MAGI1: variants seen among roughly 807,000 people sequenced by gnomAD.
MAGI1 encodes the protein membrane-associated guanylate kinase, WW and PDZ domain-containing protein 1.
Under a neutral mutation model 139.9 loss-of-function variants are expected in MAGI1, and 58 were observed. The observed-to-expected ratio is 0.41, with a 90% CI of 0.34 to 0.52. The LOEUF is 0.52. Ranked by LOEUF, MAGI1 falls within the 20% of genes least tolerant of loss-of-function variation. The probability of loss-of-function intolerance (pLI) is 0.12; values close to 1 mark genes in which losing one functional copy is unlikely to be tolerated. For synonymous variants in MAGI1, 812 were observed against 737.9 expected, an observed-to-expected ratio of 1.10 and a Z score of -1.63; for missense variants, 1,874 against 1,901.6, an observed-to-expected ratio of 0.99 and a Z score of 0.27.
At chr3:65,462,490 CTACTGA>C (rs1252339796) in intron 5 of MAGI1, among the ~76,000 whole-genome samples, 6 of 152,194 alleles carry the variant, frequency 3.9e-5, no homozygotes, top group South Asian at 4.1e-4. Flanking sequence ...ATCTGTTTTG[CTACTGA>C]TACTATGCTG....
At chr3:65,573,547 A>T (rs918389757) in intron 2 of MAGI1, among the ~76,000 whole-genome samples, 4 of 118,430 alleles carry the variant, frequency 3.4e-5, no homozygotes, top group African/African-American at 1.2e-4. Flanking sequence ...ATTTAAAAAT[A>T]AAAAAAAAAC....
chr3:65,519,515 A>C (rs1170186589), intron 2 of MAGI1, among the ~76,000 whole-genome samples: 1 of 152,052 alleles, frequency 6.6e-6, no homozygotes, highest in East Asian at 1.9e-4. Flanking sequence ...CCTCCCGGGT[A>C]GCTGGGATTA....
At chr3:65,767,641 G>A (rs1440116795) in intron 1 of MAGI1, among the ~76,000 whole-genome samples, 1 of 152,116 alleles carries the variant, frequency 6.6e-6, no homozygotes, top group Non-Finnish European at 1.5e-5. Flanking sequence ...ACGTTAGGAG[G>A]CCATTGTTAT....
chr3:65,623,987 C>A (rs1397069548), intron 1 of MAGI1, among the ~76,000 whole-genome samples: 1 of 152,026 alleles, frequency 6.6e-6, no homozygotes, highest in Non-Finnish European at 1.5e-5. Context: ...AGACAGTTCA[C>A]AATGGAATAT....
chr3:65,573,787 A>T (rs935096948), intron 2 of MAGI1, among the ~76,000 whole-genome samples: 5 of 152,166 alleles, frequency 3.3e-5, no homozygotes, highest in African/African-American at 9.6e-5. Context: ...GAAAAGGAAG[A>T]TGTAAAACTT....
chr3:65,576,155 T>C (rs2081165878), intron 2 of MAGI1, among the ~76,000 whole-genome samples: 1 of 152,248 alleles, frequency 6.6e-6, no homozygotes, highest in Non-Finnish European at 1.5e-5. Flanking sequence ...ACACAGATTT[T>C]ATAAAATGTA....
intron 2 of MAGI1, among the ~76,000 whole-genome samples, chr3:65,583,971 G>A (rs939286835): frequency 6.6e-6 from 1 of 150,778 alleles, no homozygotes; most frequent in African/African-American, 2.4e-5. Flanking sequence ...TTTCCACAGT[G>A]ACAGTGGTGT....
intron 1 of MAGI1, among the ~76,000 whole-genome samples, chr3:65,700,033 C>A (rs2089490553): frequency 6.6e-6 from 1 of 152,176 alleles, no homozygotes; most frequent in East Asian, 1.9e-4. Context: ...AACTACTCCC[C>A]TAAAGAAAAA....
At chr3:65,532,017 T>C (rs1267463633) in intron 2 of MAGI1, among the ~76,000 whole-genome samples, 1 of 152,138 alleles carries the variant, frequency 6.6e-6, no homozygotes, top group Non-Finnish European at 1.5e-5. Flanking sequence ...ACAACTCTAG[T>C]ATAACCCCAC....
At chr3:65,729,399 T>C (rs902321732) in intron 1 of MAGI1, among the ~76,000 whole-genome samples, 2 of 152,214 alleles carry the variant, frequency 1.3e-5, no homozygotes. Context: ...TAAAATCACA[T>C]GAAATCACTA....
At chr3:65,620,717 A>G (rs1332738030) in intron 2 of MAGI1, among the ~76,000 whole-genome samples, 1 of 152,236 alleles carries the variant, frequency 6.6e-6, no homozygotes, top group African/African-American at 2.4e-5. Context: ...ACATCATCAC[A>G]ACCTCCTCTC....
At chr3:65,453,628 C>T (rs994865717) in intron 5 of MAGI1, among the ~76,000 whole-genome samples, 2 of 152,038 alleles carry the variant, frequency 1.3e-5, no homozygotes, top group Non-Finnish European at 2.9e-5. Flanking sequence ...AATGATACCC[C>T]TTGCGTATAC....
chr3:65,833,525 T>G (rs2042641556), intron 1 of MAGI1, among the ~76,000 whole-genome samples: 1 of 152,184 alleles, frequency 6.6e-6, no homozygotes. Context: ...ACAGAAAGAC[T>G]GAAGATGAAC....
intron 1 of MAGI1, among the ~76,000 whole-genome samples, chr3:65,828,180 C>G (rs558159920): frequency 6.6e-6 from 1 of 152,300 alleles, no homozygotes; most frequent in East Asian, 1.9e-4. Flanking sequence ...GCAACTAGTT[C>G]TTATCTAGTT....
chr3:65,388,464 A>G (rs1181442226), intron 14 of MAGI1, among the ~76,000 whole-genome samples: 1 of 152,034 alleles, frequency 6.6e-6, no homozygotes, highest in Non-Finnish European at 1.5e-5. Context: ...AAGGCTATAC[A>G]CTTTTTTCTC....
intron 1 of MAGI1, among the ~76,000 whole-genome samples, chr3:65,831,537 T>C (rs995372155): frequency 1.2e-4 from 18 of 152,130 alleles, no homozygotes; most frequent in African/African-American, 4.3e-4. Flanking sequence ...GCACACTTAA[T>C]CCATAAAGGA....
intron 1 of MAGI1, among the ~76,000 whole-genome samples, chr3:66,011,068 A>G (rs1249728567): frequency 6.6e-6 from 1 of 152,212 alleles, no homozygotes; most frequent in African/African-American, 2.4e-5. Context: ...TGGCTGGGGA[A>G]TATAATAGAG....
chr3:65,804,273 T>TAA (rs10600844), intron 1 of MAGI1, among the ~76,000 whole-genome samples: 15 of 126,450 alleles, frequency 1.2e-4, no homozygotes, highest in East Asian at 4.3e-4. Flanking sequence ...GATGGCTTAG[T>TAA]AAAAAAAAAA....
chr3:65,452,199 T>C (rs1949074303), intron 6 of MAGI1, among the ~76,000 whole-genome samples: 1 of 152,182 alleles, frequency 6.6e-6, no homozygotes, highest in Non-Finnish European at 1.5e-5. Context: ...TGTTTCCATT[T>C]GAAGTAACTC....
Sources: allele counts gnomAD v4.1 joint callset (sites outside exome capture counted in the v4.1 genomes callset), GRCh38; gene constraint gnomAD v4.1.1; transcripts MANE v1.5; gene names NCBI Gene and HGNC (gene_info 2026-07-23, HGNC 2026-07-21).